The following EML6 variants were observed in gnomAD, a reference collection of about 807,000 sequenced individuals.
EML6 encodes echinoderm microtubule-associated protein-like 6.
EML6 carries 154 observed loss-of-function variants against 240.1 expected under a neutral mutation model. The observed-to-expected ratio is 0.64, with a 90% CI of 0.56 to 0.73. The LOEUF (loss-of-function observed/expected upper bound fraction) is 0.73. Ranked by LOEUF, EML6 falls within the 30% of genes least tolerant of loss-of-function variation. The pLI is 0.00. For synonymous variants in EML6, 1,148 were observed against 899.0 expected, an observed-to-expected ratio of 1.28 and a Z score of -4.95; for missense variants, 2,964 against 2,474.6, an observed-to-expected ratio of 1.20 and a Z score of -4.20.
At chr2:54,960,656 C>A (rs941110715) in intron 35 of EML6, among the ~76,000 whole-genome samples, 1 of 152,128 alleles carries the variant, frequency 6.6e-6, no homozygotes, top group Non-Finnish European at 1.5e-5. Context: ...ATGTTAGCTA[C>A]TAGTATTATA....
chr2:54,780,612 G>A (rs1022950549), intron 2 of EML6, among the ~76,000 whole-genome samples: 5 of 152,124 alleles, frequency 3.3e-5, no homozygotes, highest in African/African-American at 4.8e-5. Flanking sequence ...GAAATACACC[G>A]TTATTATGTT....
chr2:54,820,431 G>A lies in EML6; in HGVS notation c.494G>A (p.Arg165Lys). ...DISWDPYQPN[R>K]VVSCGVKHIK... ...TCCTGGGATCCATATCAGCCAAACA[G>A]AGTGGTTAGCTGTGGAGTAAAACAC... is the stretch of plus-strand genomic sequence containing the variant. The change falls in exon 5 of 42, where the codon AGA becomes AAA. Residue 165 changes from arginine to lysine, a missense_variant. Transcript: ENST00000356458. 1 of 1,550,604 alleles carries A rather than the reference G, an allele frequency of 6.4e-7. No homozygotes were observed. The highest frequency in any genetic ancestry group is 8.7e-7 in the Non-Finnish European group (1 of 1,146,068).
chr2:54,916,375 G>A (rs1388323872), intron 25 of EML6, among the ~76,000 whole-genome samples: 4 of 152,286 alleles, frequency 2.6e-5, no homozygotes, highest in Non-Finnish European at 2.9e-5. Context: ...ATCCTGACAC[G>A]CACAGGACAG....
At chr2:54,803,429 G>C (rs1670287732) in intron 2 of EML6, among the ~76,000 whole-genome samples, 1 of 152,160 alleles carries the variant, frequency 6.6e-6, no homozygotes, top group Non-Finnish European at 1.5e-5. Context: ...TTTCTCGGCT[G>C]TATCTTTGCC....
chr2:54,920,521 C>G (rs889763311), intron 26 of EML6, among the ~76,000 whole-genome samples: 13 of 152,088 alleles, frequency 8.5e-5, no homozygotes, highest in Non-Finnish European at 4.4e-5. Flanking sequence ...TAATCAAGAA[C>G]CTCCCAGAAA....
At chr2:54,816,931 G>A in intron 4 of EML6, 46 bp downstream of exon 4, 2 of 1,226,688 alleles carry the variant, frequency 1.6e-6, no homozygotes, top group South Asian at 2.6e-5. Context: ...GAACTTGGGG[G>A]GACTTGTGAT....
At chr2:54,924,392 T>G (rs1443927546) in intron 26 of EML6, among the ~76,000 whole-genome samples, 3 of 152,046 alleles carry the variant, frequency 2.0e-5, no homozygotes, top group East Asian at 3.9e-4. Context: ...TGGGGAAGTA[T>G]CTGTACAAAT....
chr2:54,845,412 T>G (rs1669695416), intron 8 of EML6, among the ~76,000 whole-genome samples: 1 of 152,250 alleles, frequency 6.6e-6, no homozygotes, highest in African/African-American at 2.4e-5. Context: ...CTTTTATGTT[T>G]CAACAATTGT....
chr2:54,810,525 A>G (rs1667782453), intron 2 of EML6, among the ~76,000 whole-genome samples: 1 of 152,248 alleles, frequency 6.6e-6, no homozygotes, highest in African/African-American at 2.4e-5. Flanking sequence ...TCTAACAAGT[A>G]TCTCAAGGAT....
chr2:54,835,074 T>C (rs1388038296), intron 7 of EML6, among the ~76,000 whole-genome samples: 1 of 152,206 alleles, frequency 6.6e-6, no homozygotes, highest in South Asian at 2.1e-4. Context: ...GTGACACTCT[T>C]GCCTAGAATC....
chr2:54,919,577 C>A lies in EML6; in HGVS notation c.3675+2642C>A, dbSNP rs532328844. Among the ~76,000 whole-genome samples the A allele has an allele frequency of 3.3e-5, 5 of 152,306 alleles. No individual in the cohort carries two copies. In the East Asian group the frequency reaches 5.8e-4, roughly 18 times the overall value. On this transcript the variant is annotated intron_variant, in intron 26 of 41. Transcript: ENST00000356458. ...GCCAATGATCTGTCACTTACCAGCCCTTCCTATTTGATCAGAATTTAGTTC... is the reference window on the plus strand; with the variant it reads ...GCCAATGATCTGTCACTTACCAGCCATTCCTATTTGATCAGAATTTAGTTC...
chr2:54,891,116 C>A lies in EML6; in HGVS notation c.2501C>A (p.Thr834Lys). ...CNPHHVDKLV[T>K]VGIKHIKFWQ... Reference sequence around the variant, plus strand: ...CCACACCATGTTGACAAACTGGTTACAGTTGGGATAAAACACATCAAATTC... The same window carrying A: ...CCACACCATGTTGACAAACTGGTTAAAGTTGGGATAAAACACATCAAATTC... Residue 834 changes from threonine to lysine, a missense_variant, in exon 18 of 42, where the codon ACA (threonine) becomes AAA (lysine). Transcript: ENST00000356458. 1 of 1,505,380 alleles carries A rather than the reference C, an allele frequency of 6.6e-7. No individual in the cohort carries two copies. The highest frequency in any genetic ancestry group is 9.0e-7 in the Non-Finnish European group (1 of 1,112,544). 93.3% of individuals were successfully genotyped at this position (1,505,380 alleles called of 1,614,324 possible). A position where few individuals can be genotyped will look rare whatever the true frequency, so the allele number is the denominator to read the frequency against.
intron 11 of EML6, among the ~76,000 whole-genome samples, chr2:54,858,337 A>T (rs1339905790): frequency 6.6e-6 from 1 of 152,234 alleles, no homozygotes; most frequent in Non-Finnish European, 1.5e-5. Flanking sequence ...TTCATTTTGT[A>T]TCAGAGAATT....
rs976767107 is a variant in EML6, at chr2:54,928,522, C to A, written c.3877+8C>A. 4 of 1,544,474 alleles carry A rather than the reference C, an allele frequency of 2.6e-6. No individual in the cohort carries two copies. The highest frequency in any genetic ancestry group is 3.5e-6 in the Non-Finnish European group (4 of 1,142,112). ...ACGTGGAAGAGGATGGAGGTGAGCC[C>A]CCCACCTGCCACATGCCTCCTGCGC... On this transcript the variant is annotated splice_region_variant and intron_variant, in intron 27 of 41. Transcript: ENST00000356458.
Position 54,952,585 on chromosome 2 carries a change from C to CT in EML6, c.4214-8dup. On this transcript the variant is annotated splice_polypyrimidine_tract_variant and intron_variant, in intron 30 of 41. Transcript: ENST00000356458. ...CACTGTTCACCCTCCCATGATCTCT[C>CT]TCCCCCAGGGAGCCAGAGCTTCTAT... 6.5e-7 allele frequency: 1 copy of CT among 1,543,550 alleles called. No homozygotes were observed. The highest frequency in any genetic ancestry group is 1.4e-5 in the African/African-American group (1 of 73,004).
chr2:54,872,573 C>T (rs1009340186), intron 16 of EML6, among the ~76,000 whole-genome samples: 13 of 152,142 alleles, frequency 8.5e-5, no homozygotes, highest in African/African-American at 3.1e-4. Flanking sequence ...ACCATTGCCA[C>T]CACATGGATT....
In EML6 at chr2:54,841,457, T is replaced by G. The variant is rs116089607; in HGVS notation, c.848-2590T>G. Reference sequence around the variant, plus strand: ...AACTACTTTCTCTTAATAAATGCATTTATCTCATTGGATCCTCTCGGGACC... The same window carrying G: ...AACTACTTTCTCTTAATAAATGCATGTATCTCATTGGATCCTCTCGGGACC... On this transcript the variant is annotated intron_variant, in intron 7 of 41. Transcript: ENST00000356458. Among the ~76,000 whole-genome samples the G allele has an allele frequency of 7.3e-3, 1,105 of 152,280 alleles. 12 individuals carry two copies. Among genetic ancestry groups the G allele is most frequent in the African/African-American group, 0.024 (1,011 of 41,540 alleles).
intron 14 of EML6, 44 bp from the exon 15 acceptor site, chr2:54,869,137 G>A (rs1351322022): frequency 5.6e-5 from 75 of 1,348,020 alleles, no homozygotes; most frequent in Non-Finnish European, 7.3e-5. Flanking sequence ...CCATGCATTT[G>A]CTGTTTGTTC....
At chr2:54,733,074 A>G (rs568521396) in intron 2 of EML6, among the ~76,000 whole-genome samples, 1 of 152,220 alleles carries the variant, frequency 6.6e-6, no homozygotes, top group South Asian at 2.1e-4. Context: ...CCTCAACTAG[A>G]ATTTGAAGGA....
Sources: allele counts gnomAD v4.1 joint callset (sites outside exome capture counted in the v4.1 genomes callset), GRCh38; gene constraint gnomAD v4.1.1; transcripts MANE v1.5; gene names NCBI Gene and HGNC (gene_info 2026-07-23, HGNC 2026-07-21).